Variants in ACVR1C observed in about 807,000 individuals in gnomAD.
The protein encoded by ACVR1C is activin A receptor type 1C, also known as activin receptor type-1C.
ACVR1C carries 23 observed loss-of-function variants against 57.9 expected under a neutral mutation model. That is an observed-to-expected ratio of 0.40 (90% CI 0.29 to 0.56). The LOEUF (loss-of-function observed/expected upper bound fraction) is 0.56. ACVR1C is among the 20% of genes least tolerant of loss of function. The pLI is 0.50. For missense variants in ACVR1C, 480 were observed against 607.9 expected (o/e 0.79, Z 2.21); for synonymous variants, 214 against 215.3 (o/e 0.99, Z 0.05).
intron 7 of ACVR1C, among the ~76,000 whole-genome samples, chr2:157,539,693 C>CA (rs1687575468): frequency 6.6e-6 from 1 of 152,142 alleles, no homozygotes; most frequent in South Asian, 2.1e-4. Context: ...GAAGGTACAA[C>CA]ATTATTTCTG....
chr2:157,615,706 A>T (rs1682631122), intron 1 of ACVR1C, among the ~76,000 whole-genome samples: 1 of 152,160 alleles, frequency 6.6e-6, no homozygotes, highest in Non-Finnish European at 1.5e-5. Flanking sequence ...AAAAAACTTC[A>T]TGTAGTATGG....
intron 3 of ACVR1C, among the ~76,000 whole-genome samples, chr2:157,554,196 G>A (rs533210501): frequency 1.0e-4 from 2 of 19,632 alleles, no homozygotes; most frequent in South Asian, 1.9e-3. Context: ...AAAAAATAAA[G>A]AAGAGAGAAA....
intron 1 of ACVR1C, among the ~76,000 whole-genome samples, chr2:157,623,679 C>T (rs1418580995): frequency 6.6e-6 from 1 of 151,956 alleles, no homozygotes; most frequent in Non-Finnish European, 1.5e-5. Context: ...TAGGACCTAC[C>T]ATTTGATAGC....
intron 7 of ACVR1C, 144 bp from the exon 8 acceptor site, chr2:157,538,847 T>C: frequency 3.7e-6 from 2 of 546,146 alleles, no homozygotes; most frequent in Non-Finnish European, 2.8e-6. Context: ...TGTGTCACTA[T>C]AAAATCAAGG....
chr2:157,560,794 A>T (rs755511463), intron 2 of ACVR1C, among the ~76,000 whole-genome samples: 10 of 152,226 alleles, frequency 6.6e-5, no homozygotes, highest in Non-Finnish European at 1.2e-4. Context: ...CTAGAATAAA[A>T]TATCTTTCCT....
At chr2:157,543,883 G>A (rs767348374) in intron 5 of ACVR1C, among the ~76,000 whole-genome samples, 3 of 151,858 alleles carry the variant, frequency 2.0e-5, no homozygotes, top group Non-Finnish European at 4.4e-5. Flanking sequence ...AGATCTCTGG[G>A]TACATATGCT....
chr2:157,561,489 C>G (rs1296194189), intron 2 of ACVR1C, among the ~76,000 whole-genome samples: 1 of 152,142 alleles, frequency 6.6e-6, no homozygotes, highest in East Asian at 1.9e-4. Context: ...TCCCTATAAA[C>G]CTATGACACA....
intron 1 of ACVR1C, among the ~76,000 whole-genome samples, chr2:157,594,472 C>G (rs1423644680): frequency 1.4e-5 from 2 of 146,244 alleles, no homozygotes. Context: ...AATTCACACC[C>G]TGCTATTTCA....
chr2:157,550,150 G>T lies in ACVR1C; in HGVS notation c.775+12C>A. 6.2e-7 allele frequency: 1 copy of T among 1,611,620 alleles called. No homozygotes were observed. The highest frequency in any genetic ancestry group is 8.5e-7 in the Non-Finnish European group (1 of 1,178,294). ...ATTTTTTACTTGTTGAACACAATTAGATTGGAAATACCTTTGTTGTCAGCA... is the reference window on the plus strand; with the variant it reads ...ATTTTTTACTTGTTGAACACAATTATATTGGAAATACCTTTGTTGTCAGCA... On this transcript the variant is annotated intron_variant, in intron 4 of 8. Coordinates refer to ENST00000243349, the MANE Select transcript of ACVR1C (RefSeq NM_145259.3).
intron 2 of ACVR1C, among the ~76,000 whole-genome samples, chr2:157,577,232 T>C (rs1454647781): frequency 2.0e-5 from 3 of 152,200 alleles, no homozygotes; most frequent in Non-Finnish European, 4.4e-5. Context: ...GCAAGACTAT[T>C]CAGGTTCAGT....
At chr2:157,579,086 A>G (rs753898701) in intron 2 of ACVR1C, among the ~76,000 whole-genome samples, 1 of 152,142 alleles carries the variant, frequency 6.6e-6, no homozygotes, top group Non-Finnish European at 1.5e-5. Context: ...TTTTACTATA[A>G]TGTGTTAAGC....
chr2:157,614,154 C>T (rs1288124039), intron 1 of ACVR1C, among the ~76,000 whole-genome samples: 1 of 152,100 alleles, frequency 6.6e-6, no homozygotes, highest in Non-Finnish European at 1.5e-5. Context: ...GAACAAAATG[C>T]AATATTCCTT....
Position 157,538,652 on chromosome 2 carries a change from G to T in ACVR1C, c.1277C>A (p.Pro426His). 1 of 1,579,326 alleles carries T rather than the reference G, an allele frequency of 6.3e-7. No homozygotes were observed. The highest frequency in any genetic ancestry group is 8.6e-7 in the Non-Finnish European group (1 of 1,163,208). The change falls in exon 8 of 9, where the codon CCC (proline) becomes CAC (histidine). Residue 426 changes from proline (P) to histidine (H), a missense_variant. Transcript: ENST00000243349. ...LPYYDMVPSD[P>H]SIEEMRKVVC... ...AACCTTTCTCATTTCCTCTATCGAGGGATCTGAAGGCACCATGTCATAATA... is the reference window on the plus strand; with the variant it reads ...AACCTTTCTCATTTCCTCTATCGAGTGATCTGAAGGCACCATGTCATAATA...
chr2:157,536,742 T>C (rs541663860), intron 8 of ACVR1C, among the ~76,000 whole-genome samples: 1 of 152,194 alleles, frequency 6.6e-6, no homozygotes, highest in Non-Finnish European at 1.5e-5. Context: ...ATGATAAACA[T>C]GTGAATAAGT....
chr2:157,578,373 G>T (rs1466725766), intron 2 of ACVR1C, among the ~76,000 whole-genome samples: 1 of 152,094 alleles, frequency 6.6e-6, no homozygotes, highest in Non-Finnish European at 1.5e-5. Flanking sequence ...GACAGAATAA[G>T]GTCCTTAGAA....
rs1438862129 is a variant in ACVR1C at position 157,547,892 on chromosome 2, C to A, written c.775+2270G>T. ...GGTGTTTTGGACATGAAGTCCTTGC[C>A]CATGCCTATGTCCTGAATGGTAATG... On this transcript the variant is annotated intron_variant, in intron 4 of 8. Coordinates refer to ENST00000243349, the MANE Select transcript of ACVR1C (RefSeq NM_145259.3). 1.8e-3 allele frequency among the ~76,000 whole-genome samples: 273 copies of A among 151,540 alleles called. 1 individual carries two copies. The highest frequency in any genetic ancestry group is 6.8e-3 in the Middle Eastern group (2 of 294).
At chr2:157,550,488 T>A in intron 3 of ACVR1C, 96 bp from the exon 4 acceptor site, 2 of 1,088,184 alleles carry the variant, frequency 1.8e-6, no homozygotes, top group Non-Finnish European at 2.7e-6. Context: ...AGCAAACATT[T>A]AAATGCTTTA....
At chr2:157,591,641 A>G (rs532425244) in intron 1 of ACVR1C, among the ~76,000 whole-genome samples, 2 of 152,202 alleles carry the variant, frequency 1.3e-5, no homozygotes, top group Non-Finnish European at 2.9e-5. Flanking sequence ...TTGTCACTAG[A>G]CATTTCATCA....
chr2:157,624,503 G>A (rs923758791), intron 1 of ACVR1C, among the ~76,000 whole-genome samples: 5 of 152,154 alleles, frequency 3.3e-5, no homozygotes, highest in Admixed American at 6.5e-5. Flanking sequence ...AAAATACAGC[G>A]AACTTGGGAA....
Sources: gnomAD v4.1 joint callset for allele counts (sites outside exome capture counted in the v4.1 genomes callset) on GRCh38, gnomAD v4.1.1 for gene constraint, MANE v1.5 for transcripts, NCBI Gene and HGNC (gene_info 2026-07-23, HGNC 2026-07-21) for gene names.